DCDC1: variants seen among roughly 807,000 people sequenced by gnomAD.
DCDC1 encodes the protein doublecortin domain-containing protein 1.
DCDC1 carries 200 observed loss-of-function variants against 178.3 expected under a neutral mutation model. The ratio of observed to expected loss-of-function variants is 1.12; its 90% CI spans 1.00 to 1.26. The LOEUF (loss-of-function observed/expected upper bound fraction) is 1.26. Ranked by LOEUF, DCDC1 falls within the 50% of genes most tolerant of loss-of-function variation. The pLI, the probability that DCDC1 is intolerant of heterozygous loss-of-function variation, is 0.00. For missense variants in DCDC1, 1,983 were observed against 1,749.2 expected, an observed-to-expected ratio of 1.13 and a Z score of -2.38; for synonymous variants, 690 against 604.8, an observed-to-expected ratio of 1.14 and a Z score of -2.07.
At chr11:31,291,383 G>A (rs983259890) in intron 6 of DCDC1, among the ~76,000 whole-genome samples, 3 of 151,842 alleles carry the variant, frequency 2.0e-5, no homozygotes, top group Non-Finnish European at 2.9e-5. Flanking sequence ...GGACATCCTC[G>A]GTGAGAGATT....
At chr11:31,062,075 G>C (rs1425074126) in intron 20 of DCDC1, among the ~76,000 whole-genome samples, 1 of 152,054 alleles carries the variant, frequency 6.6e-6, no homozygotes, top group African/African-American at 2.4e-5. Flanking sequence ...AGGCAAAGCA[G>C]GTGAGTTATC....
chr11:30,943,833 G>A (rs1328152682), intron 21 of DCDC1: 4 of 308,452 alleles, frequency 1.3e-5, no homozygotes, highest in African/African-American at 8.8e-5. Context: ...TAAAAGTGAG[G>A]ACAGCATGAA....
At chr11:31,159,754 G>C (rs1459810106) in intron 9 of DCDC1, among the ~76,000 whole-genome samples, 2 of 152,072 alleles carry the variant, frequency 1.3e-5, no homozygotes, top group East Asian at 3.8e-4. Flanking sequence ...GATTAACAAA[G>C]TATTAATGAT....
At chr11:31,046,840 G>A (rs372110660) in intron 20 of DCDC1, among the ~76,000 whole-genome samples, 15 of 152,130 alleles carry the variant, frequency 9.9e-5, no homozygotes, top group Admixed American at 3.9e-4. Context: ...AGAACTGGAC[G>A]GCAGTTTTCA....
intron 21 of DCDC1, among the ~76,000 whole-genome samples, chr11:30,945,044 C>A (rs1406218239): frequency 7.5e-6 from 1 of 133,524 alleles, no homozygotes; most frequent in East Asian, 2.4e-4. Flanking sequence ...TCTCAGCTCA[C>A]TGCAACCTCT....
chr11:31,147,846 C>T (rs767300370), intron 9 of DCDC1, among the ~76,000 whole-genome samples: 1 of 152,216 alleles, frequency 6.6e-6, no homozygotes, highest in African/African-American at 2.4e-5. Flanking sequence ...TCACTCCAGA[C>T]ATCTCGATCT....
At chr11:31,172,168 T>A (rs555651127) in intron 9 of DCDC1, among the ~76,000 whole-genome samples, 1 of 152,218 alleles carries the variant, frequency 6.6e-6, no homozygotes, top group South Asian at 2.1e-4. Context: ...ATTATAATTT[T>A]AAAAATTATA....
At chr11:31,009,440 G>GTT (rs767744905) in intron 20 of DCDC1, among the ~76,000 whole-genome samples, 1 of 122,036 alleles carries the variant, frequency 8.2e-6, no homozygotes, top group African/African-American at 4.6e-5. Flanking sequence ...CAGTTTCTTT[G>GTT]TGTGTGTGTG....
At chr11:31,039,077 G>C (rs1473030593) in intron 20 of DCDC1, among the ~76,000 whole-genome samples, 1 of 151,932 alleles carries the variant, frequency 6.6e-6, no homozygotes, top group South Asian at 2.1e-4. Flanking sequence ...GTTTGCTGTG[G>C]ATAGTTATGT....
intron 9 of DCDC1, among the ~76,000 whole-genome samples, chr11:31,201,726 A>C (rs1178467026): frequency 1.3e-5 from 2 of 152,092 alleles, no homozygotes; most frequent in Non-Finnish European, 2.9e-5. Context: ...TTGCCACATT[A>C]AGAAAAATAA....
intron 1 of DCDC1, among the ~76,000 whole-genome samples, chr11:31,341,624 G>C (rs969139862): frequency 3.9e-5 from 6 of 152,032 alleles, no homozygotes; most frequent in African/African-American, 1.5e-4. Context: ...GAACACCGTA[G>C]GCAATTTTAA....
chr11:31,272,438 C>G (rs1308402035), intron 7 of DCDC1, among the ~76,000 whole-genome samples: 1 of 152,128 alleles, frequency 6.6e-6, no homozygotes, highest in Admixed American at 6.5e-5. Context: ...AGCATTAACT[C>G]AAAAGTCCAC....
At chr11:31,182,306 T>C (rs79446305) in intron 9 of DCDC1, among the ~76,000 whole-genome samples, 17 of 151,490 alleles carry the variant, frequency 1.1e-4, no homozygotes, top group Non-Finnish European at 1.6e-4. Flanking sequence ...TACACCAAGA[T>C]TGAAATGAAG....
At chr11:30,914,220 C>T (rs1225403433) in intron 27 of DCDC1, among the ~76,000 whole-genome samples, 1 of 152,236 alleles carries the variant, frequency 6.6e-6, no homozygotes, top group East Asian at 1.9e-4. Flanking sequence ...AACACTTTCA[C>T]CAGGTCTGTC....
intron 9 of DCDC1, among the ~76,000 whole-genome samples, chr11:31,213,266 T>C (rs191840850): frequency 2.6e-5 from 4 of 151,636 alleles, no homozygotes; most frequent in African/African-American, 9.7e-5. Flanking sequence ...CAGGGTCTAT[T>C]TTCGCCTCAT....
intron 10 of DCDC1, among the ~76,000 whole-genome samples, chr11:31,136,826 T>C (rs1963192442): frequency 6.6e-6 from 1 of 152,146 alleles, no homozygotes; most frequent in Non-Finnish European, 1.5e-5. Context: ...CTGTCAACTT[T>C]ACAGCATGAG....
chr11:31,305,593 G>C (rs1328235824), intron 6 of DCDC1, 22 bp downstream of exon 6: 1 of 1,611,696 alleles, frequency 6.2e-7, no homozygotes, highest in South Asian at 1.1e-5. Flanking sequence ...TGGGGGTAGG[G>C]TATTTTTTAG....
chr11:31,333,375 T>A (rs1322166908), intron 2 of DCDC1, among the ~76,000 whole-genome samples: 1 of 152,242 alleles, frequency 6.6e-6, no homozygotes, highest in Non-Finnish European at 1.5e-5. Flanking sequence ...TTAGCCCATT[T>A]ACATTTAAGG....
intron 20 of DCDC1, among the ~76,000 whole-genome samples, chr11:30,956,970 A>C: frequency 6.6e-6 from 1 of 151,988 alleles, no homozygotes; most frequent in Non-Finnish European, 1.5e-5. Flanking sequence ...AGCCCTTCTT[A>C]TTTCACTGAG....
Sources: allele counts gnomAD v4.1 joint callset (sites outside exome capture counted in the v4.1 genomes callset), GRCh38; gene constraint gnomAD v4.1.1; transcripts MANE v1.5; gene names NCBI Gene and HGNC (gene_info 2026-07-23, HGNC 2026-07-21).